Variants in CSMD1 observed in about 807,000 individuals in gnomAD.
CSMD1 encodes the protein CUB and Sushi multiple domains 1.
CSMD1 carries 213 observed loss-of-function variants against 417.5 expected under a neutral mutation model. The ratio of observed to expected loss-of-function variants is 0.51; its 90% CI spans 0.46 to 0.57. The LOEUF (loss-of-function observed/expected upper bound fraction) is 0.57. Ranked by LOEUF, CSMD1 falls within the 20% of genes least tolerant of loss-of-function variation. The pLI, the probability that CSMD1 is intolerant of heterozygous loss-of-function variation, is 0.00. For synonymous variants in CSMD1, 2,862 were observed against 1,736.8 expected, an observed-to-expected ratio of 1.65 and a Z score of -16.11; for missense variants, 6,923 against 4,529.7, an observed-to-expected ratio of 1.53 and a Z score of -15.17.
chr8:4,570,429 G>A (rs1295977039), intron 2 of CSMD1, among the ~76,000 whole-genome samples: 1 of 152,160 alleles, frequency 6.6e-6, no homozygotes, highest in African/African-American at 2.4e-5. Flanking sequence ...TTATGTGATG[G>A]ATTACGCCTA....
intron 5 of CSMD1, among the ~76,000 whole-genome samples, chr8:3,773,540 G>A (rs1394631499): frequency 1.3e-5 from 2 of 152,098 alleles, no homozygotes; most frequent in Non-Finnish European, 2.9e-5. Flanking sequence ...TCCCACCTTG[G>A]CCTCCCAAAC....
At chr8:3,423,941 A>G (rs1157029134) in intron 12 of CSMD1, among the ~76,000 whole-genome samples, 3 of 152,136 alleles carry the variant, frequency 2.0e-5, no homozygotes, top group Non-Finnish European at 4.4e-5. Flanking sequence ...TTATTTAACT[A>G]TTTTTGGCTA....
At position 4,358,744 on chromosome 8, in the gene CSMD1, A is replaced by G. The variant is rs1009286879; in HGVS notation, c.415+61209T>C. Among the ~76,000 whole-genome samples the G allele has an allele frequency of 7.2e-5, 11 of 152,182 alleles. No homozygotes were observed. In the East Asian group the frequency reaches 1.2e-3, roughly 16 times the overall value. ...TTAAAATATCTCTCAAGATAAGTGTATATGATTTCAAAAAGCAATTAGGTT... is the reference window on the plus strand; with the variant it reads ...TTAAAATATCTCTCAAGATAAGTGTGTATGATTTCAAAAAGCAATTAGGTT... On this transcript the variant is annotated intron_variant, in intron 3 of 69. Coordinates refer to ENST00000635120, the MANE Select transcript of CSMD1 (RefSeq NM_033225.6).
rs188948649 is a variant in CSMD1, at chr8:3,935,593, A to T, written c.818+62310T>A. On this transcript the variant is annotated intron_variant, in intron 5 of 69. Coordinates refer to ENST00000635120, the MANE Select transcript of CSMD1 (RefSeq NM_033225.6). ...TTGCTATGGTGATCTGTCATCAGTAATTTTTGTTGTAACTATTGTAATTGT... is the reference window on the plus strand; with the variant it reads ...TTGCTATGGTGATCTGTCATCAGTATTTTTTGTTGTAACTATTGTAATTGT... Among the ~76,000 whole-genome samples the T allele has an allele frequency of 2.3e-3, 355 of 152,182 alleles. 2 individuals are homozygous for T. Among genetic ancestry groups the T allele is most frequent in the African/African-American group, 8.0e-3 (331 of 41,510 alleles).
chr8:3,192,901 C>A (rs1289989378), intron 33 of CSMD1, among the ~76,000 whole-genome samples: 1 of 150,976 alleles, frequency 6.6e-6, no homozygotes, highest in Non-Finnish European at 1.5e-5. Context: ...TGTTTGCATG[C>A]TTGAGTATTT....
At chr8:4,179,661 A>G (rs923119894) in intron 3 of CSMD1, among the ~76,000 whole-genome samples, 1 of 152,096 alleles carries the variant, frequency 6.6e-6, no homozygotes, top group Admixed American at 6.6e-5. Context: ...ATGGGAGGAA[A>G]TTTTCGCAAT....
chr8:4,418,204 A>G (rs1563152776), intron 3 of CSMD1, among the ~76,000 whole-genome samples: 2 of 152,146 alleles, frequency 1.3e-5, no homozygotes, highest in African/African-American at 2.4e-5. Context: ...TCAAATCGAA[A>G]TACCACAAAA....
chr8:3,024,271 A>G (rs1013864894), intron 51 of CSMD1, among the ~76,000 whole-genome samples: 2 of 142,730 alleles, frequency 1.4e-5, no homozygotes, highest in Admixed American at 7.5e-5. Flanking sequence ...GATCCCAGAT[A>G]ATGTTTACAT....
intron 37 of CSMD1, among the ~76,000 whole-genome samples, chr8:3,163,859 G>T (rs1012571456): frequency 6.6e-6 from 1 of 152,270 alleles, no homozygotes; most frequent in East Asian, 1.9e-4. Flanking sequence ...CAGGCTCCTT[G>T]TGTCTGATAT....
chr8:4,555,685 G>A lies in CSMD1; in HGVS notation c.302+81657C>T, dbSNP rs563406709. Among the ~76,000 whole-genome samples the A allele has an allele frequency of 9.3e-4, 141 of 152,260 alleles. 1 individual carries two copies. The highest frequency in any genetic ancestry group is 3.2e-3 in the African/African-American group (132 of 41,546). On this transcript the variant is annotated intron_variant, in intron 2 of 69. Transcript: ENST00000635120. ...TTCAATCAGCAATGGAGAGGAATAA[G>A]TCTCTTTAGGGGTGAGATTCTTCAC...
intron 3 of CSMD1, among the ~76,000 whole-genome samples, chr8:4,234,237 A>G (rs989552242): frequency 6.6e-6 from 1 of 152,200 alleles, no homozygotes; most frequent in African/African-American, 2.4e-5. Context: ...CTGCCACCAG[A>G]CTAAAGCAGG....
intron 5 of CSMD1, among the ~76,000 whole-genome samples, chr8:3,918,957 A>T (rs1242107124): frequency 6.6e-6 from 1 of 152,058 alleles, no homozygotes; most frequent in East Asian, 1.9e-4. Context: ...GGTACATCAA[A>T]ATCTCACAAA....
intron 59 of CSMD1, 92 bp downstream of exon 59, chr8:2,965,683 G>T: frequency 1.8e-6 from 2 of 1,106,256 alleles, no homozygotes; most frequent in Non-Finnish European, 2.6e-6. Context: ...GCCCCTAGAA[G>T]GGCTACATAA....
At chr8:3,094,389 G>A (rs915011323) in intron 47 of CSMD1, among the ~76,000 whole-genome samples, 9 of 152,176 alleles carry the variant, frequency 5.9e-5, no homozygotes, top group Admixed American at 5.9e-4. Context: ...ACAGGCGTGA[G>A]CCACTAAGCC....
chr8:2,992,706 T>A (rs576334893), intron 54 of CSMD1, among the ~76,000 whole-genome samples: 37 of 152,110 alleles, frequency 2.4e-4, no homozygotes, highest in African/African-American at 8.9e-4. Context: ...ACTATAGGCG[T>A]GAGCCACCAT....
chr8:3,997,522 A>T (rs1815309904), intron 5 of CSMD1, among the ~76,000 whole-genome samples: 1 of 152,232 alleles, frequency 6.6e-6, no homozygotes, highest in African/African-American at 2.4e-5. Flanking sequence ...TATCTGCAGC[A>T]GTCTGTCAAT....
At chr8:3,803,363 A>G (rs974362170) in intron 5 of CSMD1, among the ~76,000 whole-genome samples, 4 of 152,214 alleles carry the variant, frequency 2.6e-5, no homozygotes, top group African/African-American at 9.6e-5. Flanking sequence ...CAAGACTTGA[A>G]TGGTAAGCTG....
chr8:4,322,224 C>T (rs1394720196), intron 3 of CSMD1, among the ~76,000 whole-genome samples: 1 of 152,144 alleles, frequency 6.6e-6, no homozygotes, highest in Non-Finnish European at 1.5e-5. Context: ...AGATAATTCA[C>T]ATGTAATTTT....
At chr8:3,797,443 C>A (rs991171341) in intron 5 of CSMD1, among the ~76,000 whole-genome samples, 1 of 151,930 alleles carries the variant, frequency 6.6e-6, no homozygotes, top group Admixed American at 6.6e-5. Context: ...CCATCCCTTC[C>A]CTCCACAGGC....
Sources: allele counts gnomAD v4.1 joint callset (sites outside exome capture counted in the v4.1 genomes callset), GRCh38; gene constraint gnomAD v4.1.1; transcripts MANE v1.5; gene names NCBI Gene and HGNC (gene_info 2026-07-23, HGNC 2026-07-21).